The following RUSC2 variants were observed in gnomAD, a reference collection of about 807,000 sequenced individuals.
RUSC2 encodes RUN and SH3 domain containing 2, also known as AP-4 complex accessory subunit RUSC2.
A neutral mutation model predicts 122.2 loss-of-function variants in RUSC2; 34 were observed. The ratio of observed to expected loss-of-function variants is 0.28; its 90% CI spans 0.21 to 0.37. RUSC2 has a LOEUF of 0.37. Among genes scored for constraint, RUSC2 ranks in the 10% least tolerant of loss-of-function variants. The probability of loss-of-function intolerance (pLI) is 1.00; values close to 1 mark genes in which losing one functional copy is unlikely to be tolerated. For synonymous variants in RUSC2, 784 were observed against 790.0 expected (o/e 0.99, Z 0.13); for missense variants, 1,747 against 1,952.4 (o/e 0.89, Z 1.98).
At chr9:35,516,396 A>G (rs980996941) in intron 1 of RUSC2, among the ~76,000 whole-genome samples, 3 of 152,014 alleles carry the variant, frequency 2.0e-5, no homozygotes, top group African/African-American at 7.3e-5. Flanking sequence ...ATGGGGAGTG[A>G]GTTCAGGCCT....
intron 2 of RUSC2, among the ~76,000 whole-genome samples, chr9:35,552,655 C>T (rs1821923910): frequency 6.6e-6 from 1 of 152,186 alleles, no homozygotes; most frequent in African/African-American, 2.4e-5. Flanking sequence ...CTCCTCCGAA[C>T]CAGTGAGTGC....
In RUSC2 at chr9:35,560,017, C is replaced by G; in HGVS notation, c.3389-12C>G. 1 of 1,575,410 alleles carries G rather than the reference C, an allele frequency of 6.3e-7. No homozygotes were observed. Among genetic ancestry groups the G allele is most frequent in the Non-Finnish European group, 8.7e-7 (1 of 1,155,250 alleles). ...TCTCTGTGTGGATCAGTCCCTCTCTCTTTTCCCCTAGACATCATCCAGACC... is the reference window on the plus strand; with the variant it reads ...TCTCTGTGTGGATCAGTCCCTCTCTGTTTTCCCCTAGACATCATCCAGACC... On this transcript the variant is annotated splice_polypyrimidine_tract_variant and intron_variant, in intron 9 of 11. Coordinates refer to ENST00000361226, the MANE Select transcript of RUSC2 (RefSeq NM_014806.5).
intron 1 of RUSC2, among the ~76,000 whole-genome samples, chr9:35,506,718 G>A (rs1225406893): frequency 6.6e-6 from 1 of 152,148 alleles, no homozygotes; most frequent in Non-Finnish European, 1.5e-5. Flanking sequence ...AGTGGTCAGT[G>A]CTGACTGGTT....
Position 35,547,318 on chromosome 9 carries a change from T to C in RUSC2, c.797T>C (p.Met266Thr). The C allele has an allele frequency of 6.2e-7, 1 of 1,614,134 alleles. No homozygotes were observed. The highest frequency in any genetic ancestry group is 8.5e-7 in the Non-Finnish European group (1 of 1,180,010). ...SSQSEAADQS[M>T]GYVSDSSCNS... ...CAGTCCGAGGCAGCTGACCAGTCCA[T>C]GGGCTATGTGAGCGACTCCTCCTGC... Residue 266 changes from methionine to threonine, a missense_variant, in exon 2 of 12, where the codon ATG becomes ACG. Met to Thr is a moderately conservative substitution (Grantham distance 81). Transcript: ENST00000361226. This position sits in a 1 kb window ranked among gnomAD's most constrained non-coding sequence, Gnocchi z 4.6.
intron 1 of RUSC2, among the ~76,000 whole-genome samples, chr9:35,522,433 G>A (rs954888951): frequency 3.3e-5 from 5 of 152,210 alleles, no homozygotes; most frequent in Non-Finnish European, 7.3e-5. Context: ...GCTTCAACCA[G>A]GGTAGCTGTT....
At chr9:35,537,020 G>T (rs1021386407) in intron 1 of RUSC2, among the ~76,000 whole-genome samples, 4 of 152,076 alleles carry the variant, frequency 2.6e-5, no homozygotes, top group African/African-American at 9.7e-5. Context: ...GGTGGCCGAG[G>T]TTTATAATGT....
At position 35,555,322 on chromosome 9, in the gene RUSC2, C is replaced by T; in HGVS notation, c.2277C>T (p.Gly759=). 1 of 1,614,218 alleles carries T rather than the reference C, an allele frequency of 6.2e-7. No homozygotes were observed. The highest frequency in any genetic ancestry group is 2.2e-5 in the East Asian group (1 of 44,886). The change falls in exon 3 of 12, where the codon GGC becomes GGT. Residue 759 remains glycine (G), a synonymous_variant. Coordinates refer to ENST00000361226, the MANE Select transcript of RUSC2 (RefSeq NM_014806.5). This position sits in a 1 kb window ranked among gnomAD's most constrained non-coding sequence, Gnocchi z 4.6. ...AGGCATCCACTCCCCGAGCCACTGG[C>T]AGAGGTGCCAGGAAAGCTGGGTCTG... ...EPQASTPRAT[G]RGARKAGSEP...
intron 1 of RUSC2, among the ~76,000 whole-genome samples, chr9:35,534,116 A>C (rs560893407): frequency 6.6e-5 from 10 of 152,268 alleles, no homozygotes; most frequent in African/African-American, 2.2e-4. Flanking sequence ...CATTGTCAAC[A>C]TGTGTGATTG....
chr9:35,492,521 A>G (rs997190510), intron 1 of RUSC2, among the ~76,000 whole-genome samples: 1 of 152,052 alleles, frequency 6.6e-6, no homozygotes, highest in African/African-American at 2.4e-5. Context: ...TTTTTGTCAA[A>G]TGAGTCCGTC....
chr9:35,532,199 G>A (rs766068940), intron 1 of RUSC2, among the ~76,000 whole-genome samples: 9 of 152,124 alleles, frequency 5.9e-5, no homozygotes, highest in East Asian at 1.9e-4. Flanking sequence ...TTTGGTTTTC[G>A]ATATGTTGAA....
Position 35,558,302 on chromosome 9 carries a change from G to T in RUSC2, c.3166G>T (p.Val1056Leu). Residue 1056 changes from valine to leucine, a missense_variant, in exon 7 of 12, where the codon GTA becomes TTA. Transcript: ENST00000361226. The surrounding 1 kb of genome is among the most constrained non-coding windows in gnomAD (Gnocchi z 4.3). ...AVLEDGLKAFVLDVIIGQRKN... is the reference protein window; with the variant it reads ...AVLEDGLKAFLLDVIIGQRKN... ...GCTGGAGGATGGGCTCAAGGCCTTT[G>T]TACTGGACGTCATCATCGGGCAGCG... The T allele has an allele frequency of 6.2e-7, 1 of 1,614,150 alleles. No homozygotes were observed. The highest frequency in any genetic ancestry group is 8.5e-7 in the Non-Finnish European group (1 of 1,180,032).
At chr9:35,506,154 A>G (rs542365717) in intron 1 of RUSC2, among the ~76,000 whole-genome samples, 16 of 152,228 alleles carry the variant, frequency 1.1e-4, no homozygotes, top group Non-Finnish European at 2.1e-4. Flanking sequence ...TACAAAATCA[A>G]TGGGGACGGG....
Position 35,558,483 on chromosome 9 carries a change from A to T in RUSC2, c.3257A>T (p.His1086Leu), listed in dbSNP as rs1563875343. Residue 1086 changes from histidine to leucine, a missense_variant, in exon 8 of 12, where the codon CAT becomes CTT. By Grantham distance (99) the His-to-Leu change is moderately conservative. Coordinates refer to ENST00000361226, the MANE Select transcript of RUSC2 (RefSeq NM_014806.5). The surrounding 1 kb of genome is among the most constrained non-coding windows in gnomAD (Gnocchi z 4.3). Reference protein sequence around the residue: ...TQLGPSTKVLHGLYNKVSQFP... With the variant: ...TQLGPSTKVLLGLYNKVSQFP... ...CCAGGCCCATCCACCAAGGTCCTGC[A>T]TGGCCTCTACAACAAAGTCAGCCAA... is the stretch of plus-strand genomic sequence containing the variant. 1 of 1,614,040 alleles carries T rather than the reference A, an allele frequency of 6.2e-7. No homozygotes were observed. The highest frequency in any genetic ancestry group is 8.5e-7 in the Non-Finnish European group (1 of 1,180,036).
rs529871907 is a variant in RUSC2 at position 35,498,580 on chromosome 9, C to G, written c.-93+8408C>G. On this transcript the variant is annotated intron_variant, in intron 1 of 11. Transcript: ENST00000361226. ...CTCAAAAAAAGAAAGAAAAAGAGGC[C>G]AGGCGCGGTGGCTCACGCCTGTGAT... 2.0e-5 allele frequency among the ~76,000 whole-genome samples: 3 copies of G among 151,756 alleles called. No individual in the cohort carries two copies. The East Asian group carries it at 5.8e-4, about 29-fold the overall frequency.
At chr9:35,559,365 G>T in intron 9 of RUSC2, 93 bp downstream of exon 9, 2 of 1,102,172 alleles carry the variant, frequency 1.8e-6, no homozygotes, top group South Asian at 1.2e-5. Context: ...TGCTGGAGGT[G>T]GGGAGGGGGA....
At chr9:35,498,731 C>A (rs7875698) in intron 1 of RUSC2, among the ~76,000 whole-genome samples, 1 of 150,132 alleles carries the variant, frequency 6.7e-6, no homozygotes, top group Middle Eastern at 3.2e-3. Context: ...TGTGGTGGTG[C>A]GTGCCTGTAG....
At chr9:35,535,513 A>T (rs1587854415) in intron 1 of RUSC2, among the ~76,000 whole-genome samples, 1 of 134,540 alleles carries the variant, frequency 7.4e-6, no homozygotes. Context: ...ACTTATTCTG[A>T]TTTACACACA....
chr9:35,541,914 AT>A (rs1289395375), intron 1 of RUSC2, among the ~76,000 whole-genome samples: 1 of 148,548 alleles, frequency 6.7e-6, no homozygotes, highest in East Asian at 1.9e-4. Context: ...TTTTTAAATT[AT>A]TTTTATATCA....
At position 35,560,048 on chromosome 9, in the gene RUSC2, C is replaced by T. The variant is rs2131705377; in HGVS notation, c.3408C>T (p.Tyr1136=). Residue 1136 remains tyrosine, a synonymous_variant, in exon 10 of 12, where the codon TAC becomes TAT. Transcript: ENST00000361226. ...YNHEDIIQTH[Y]QPWGFLSAAH... is the part of the protein sequence containing the mutation. ...CCCTAGACATCATCCAGACCCACTA[C>T]CAGCCCTGGGGCTTCCTGAGTGCAG... The T allele has an allele frequency of 6.2e-7, 1 of 1,600,820 alleles. No homozygotes were observed. Among genetic ancestry groups the T allele is most frequent in the South Asian group, 1.1e-5 (1 of 90,534 alleles).
Sources: gnomAD v4.1 joint callset for allele counts (sites outside exome capture counted in the v4.1 genomes callset) on GRCh38, gnomAD v4.1.1 for gene constraint, Gnocchi (gnomAD v3.1) non-coding constraint, MANE v1.5 for transcripts, NCBI Gene and HGNC (gene_info 2026-07-23, HGNC 2026-07-21) for gene names.